NLN: variants seen among roughly 807,000 people sequenced by gnomAD.
NLN encodes the protein neurolysin.
A neutral mutation model predicts 79.9 loss-of-function variants in NLN; 64 were observed. The observed-to-expected ratio is 0.80, with a 90% CI of 0.65 to 0.99. The LOEUF is 0.99. Among genes scored for constraint, NLN ranks in the 50% least tolerant of loss-of-function variants. NLN has a pLI of 0.00. For synonymous variants in NLN, 267 were observed against 296.6 expected, an observed-to-expected ratio of 0.90 and a Z score of 1.02; for missense variants, 835 against 858.7, an observed-to-expected ratio of 0.97 and a Z score of 0.34.
chr5:65,768,148 T>C (rs1759494223), intron 3 of NLN, among the ~76,000 whole-genome samples: 1 of 152,180 alleles, frequency 6.6e-6, no homozygotes, highest in Non-Finnish European at 1.5e-5. Flanking sequence ...TTTCAGTTTG[T>C]CTTTATAGCA....
Position 65,758,571 on chromosome 5 carries a change from G to A in NLN, c.46G>A (p.Gly16Ser). Residue 16 changes from glycine to serine, a missense_variant, in exon 2 of 13, where the codon GGT (glycine) becomes AGT (serine). Gly to Ser is a moderately conservative substitution (Grantham distance 56). Transcript: ENST00000380985. ...LLAVRSLRRV[G>S]GSRILLRMTL... ...TCTTTTTCTGATTCTTTTTAGAGTT[G>A]GTGGTTCCAGGATTTTACTCAGAAT... 1.2e-6 allele frequency: 2 copies of A among 1,601,700 alleles called. No individual in the cohort carries two copies. Among genetic ancestry groups the A allele is most frequent in the Non-Finnish European group, 1.7e-6 (2 of 1,169,560 alleles).
At chr5:65,754,957 A>G (rs1441542055) in intron 1 of NLN, among the ~76,000 whole-genome samples, 3 of 152,132 alleles carry the variant, frequency 2.0e-5, no homozygotes, top group East Asian at 1.9e-4. Flanking sequence ...CATGTAGGCA[A>G]TTTATCCAAA....
intron 8 of NLN, among the ~76,000 whole-genome samples, chr5:65,789,769 T>G (rs1332410906): frequency 6.6e-6 from 1 of 152,114 alleles, no homozygotes; most frequent in Non-Finnish European, 1.5e-5. Flanking sequence ...ATAAATAAAA[T>G]TGAGCACCAA....
rs527613610 is a variant in NLN at position 65,771,791 on chromosome 5, C to T, written c.451-5636C>T. ...CAGCACTTTGGGAGGCCAAGGTGAG[C>T]GGATGGCCTAAGCCCAGAAGTTCCA... On this transcript the variant is annotated intron_variant, in intron 3 of 12. Coordinates refer to ENST00000380985, the MANE Select transcript of NLN (RefSeq NM_020726.5). 3.4e-4 allele frequency among the ~76,000 whole-genome samples: 52 copies of T among 152,028 alleles called. 1 individual carries two copies. The highest frequency in any genetic ancestry group is 2.1e-3 in the East Asian group (11 of 5,180).
In NLN at chr5:65,754,225, T is replaced by C. The variant is rs16894294; in HGVS notation, c.42-4342T>C. Among the ~76,000 whole-genome samples, 1,295 of 152,286 alleles carry C rather than the reference T, an allele frequency of 8.5e-3. 25 individuals carry two copies. In the East Asian group the frequency reaches 0.1, roughly 12 times the overall value. On this transcript the variant is annotated intron_variant, in intron 1 of 12. Coordinates refer to ENST00000380985, the MANE Select transcript of NLN (RefSeq NM_020726.5). ...TGGGCTCTATGGTGTCTTTAAATAT[T>C]TGGTTTCCTTCCTTTATTCTGCCAT...
At position 65,817,987 on chromosome 5, in the gene NLN, C is replaced by A. The variant is rs1760705260; in HGVS notation, c.1981-4794C>A. On this transcript the variant is annotated intron_variant, in intron 12 of 12. Coordinates refer to ENST00000380985, the MANE Select transcript of NLN (RefSeq NM_020726.5). Reference sequence around the variant, plus strand: ...GTCTCAGCTCTCCTGATGTACCACCCAACAGCTGATTTTTCTTATAACTGA... The same window carrying A: ...GTCTCAGCTCTCCTGATGTACCACCAAACAGCTGATTTTTCTTATAACTGA... Among the ~76,000 whole-genome samples, 4 of 152,316 alleles carry A rather than the reference C, an allele frequency of 2.6e-5. No homozygotes were observed. The South Asian group carries it at 8.3e-4, about 32-fold the overall frequency.
At chr5:65,771,690 A>T (rs1027523126) in intron 3 of NLN, among the ~76,000 whole-genome samples, 6 of 152,190 alleles carry the variant, frequency 3.9e-5, no homozygotes, top group African/African-American at 1.4e-4. Context: ...CTACTTGACC[A>T]GCCATGGAGA....
intron 2 of NLN, among the ~76,000 whole-genome samples, chr5:65,759,462 AGATT>A (rs1759295088): frequency 6.6e-6 from 1 of 151,652 alleles, no homozygotes; most frequent in African/African-American, 2.4e-5. Context: ...GGGGAGAGAG[AGATT>A]GATTGATAGA....
Position 65,812,068 on chromosome 5 carries a change from C to T in NLN, c.1844-187C>T, listed in dbSNP as rs970584106. On this transcript the variant is annotated intron_variant, in intron 11 of 12. Transcript: ENST00000380985. ...GGCCGAAACCAGCTCTGAGGTTGAG[C>T]CATTGATAGATGTTTATAAACATCT... Among the ~76,000 whole-genome samples, 10 of 152,184 alleles carry T rather than the reference C, an allele frequency of 6.6e-5. No individual in the cohort carries two copies. The East Asian group carries it at 1.9e-3, about 29-fold the overall frequency.
At chr5:65,804,845 T>G (rs1760374234) in intron 9 of NLN, among the ~76,000 whole-genome samples, 1 of 152,176 alleles carries the variant, frequency 6.6e-6, no homozygotes, top group Admixed American at 6.5e-5. Context: ...TTTTCATTGT[T>G]ATTGTGTCTG....
chr5:65,820,568 G>A (rs1395694966), intron 12 of NLN, among the ~76,000 whole-genome samples: 1 of 152,048 alleles, frequency 6.6e-6, no homozygotes, highest in Non-Finnish European at 1.5e-5. Flanking sequence ...GGGAAGGGAG[G>A]TAAATTGTGG....
intron 1 of NLN, among the ~76,000 whole-genome samples, chr5:65,751,250 A>T (rs1042358167): frequency 3.3e-5 from 5 of 152,208 alleles, no homozygotes; most frequent in African/African-American, 1.2e-4. Flanking sequence ...AAAAAATGTA[A>T]ATTGGTAGGA....
chr5:65,815,587 A>C (rs1263588038), intron 12 of NLN, among the ~76,000 whole-genome samples: 3 of 152,170 alleles, frequency 2.0e-5, no homozygotes, highest in Non-Finnish European at 4.4e-5. Context: ...AAATGCTCTG[A>C]GTATCATGGC....
intron 6 of NLN, among the ~76,000 whole-genome samples, chr5:65,784,587 C>T (rs1448497619): frequency 6.6e-6 from 1 of 152,170 alleles, no homozygotes; most frequent in African/African-American, 2.4e-5. Context: ...TTAGCTGTAG[C>T]CCTTTTATAA....
intron 3 of NLN, among the ~76,000 whole-genome samples, chr5:65,763,658 A>G (rs1759388084): frequency 6.6e-6 from 1 of 151,834 alleles, no homozygotes; most frequent in South Asian, 2.1e-4. Flanking sequence ...ACACTTCAGC[A>G]ATTTTTTTGG....
In NLN at chr5:65,826,256, G is replaced by A. The variant is rs947012989; in HGVS notation, c.*3341G>A. 3.9e-5 allele frequency: 6 copies of A among 152,214 alleles called. No homozygotes were observed. The highest frequency in any genetic ancestry group is 9.6e-5 in the African/African-American group (4 of 41,518). 9.4% of individuals were successfully genotyped at this position (152,214 alleles called of 1,614,324 possible). On this transcript the variant is annotated 3_prime_UTR_variant, in exon 13 of 13. Coordinates refer to ENST00000380985, the MANE Select transcript of NLN (RefSeq NM_020726.5). The stretch of plus-strand genomic sequence containing the variant: ...CAAGCCCTAGAGTGTCTCTTTTTAC[G>A]AGAGCAGGAATCCCATCATGAGAGT...
intron 1 of NLN, among the ~76,000 whole-genome samples, chr5:65,747,580 C>G (rs1283019550): frequency 1.3e-5 from 2 of 152,136 alleles, no homozygotes; most frequent in East Asian, 1.9e-4. Flanking sequence ...TGGAAGCCCA[C>G]CCCTGGCCCC....
At chr5:65,809,976 G>T in intron 10 of NLN, 61 bp from the exon 11 acceptor site, 1 of 1,572,938 alleles carries the variant, frequency 6.4e-7, no homozygotes, top group South Asian at 1.1e-5. Flanking sequence ...ACAATCTTGT[G>T]ATAATAAAAC....
intron 1 of NLN, among the ~76,000 whole-genome samples, chr5:65,753,111 G>C (rs1183870358): frequency 6.6e-6 from 1 of 152,146 alleles, no homozygotes; most frequent in Admixed American, 6.6e-5. Flanking sequence ...TAAATGACAA[G>C]TGTCTGAGGT....
Sources: gnomAD v4.1 joint callset for allele counts (sites outside exome capture counted in the v4.1 genomes callset) on GRCh38, gnomAD v4.1.1 for gene constraint, MANE v1.5 for transcripts, NCBI Gene and HGNC (gene_info 2026-07-23, HGNC 2026-07-21) for gene names.